SP140: variants seen among roughly 807,000 people sequenced by gnomAD.
SP140 encodes the protein SP140 nuclear body protein, also known as nuclear body protein SP140.
SP140 carries 81 observed loss-of-function variants against 125.0 expected under a neutral mutation model. That is an observed-to-expected ratio of 0.65 (90% CI 0.54 to 0.78). SP140 has a LOEUF of 0.78. SP140 is among the 30% of genes least tolerant of loss of function. The pLI is 0.00. For missense variants in SP140, 858 were observed against 1,037.0 expected (o/e 0.83, Z 2.37); for synonymous variants, 312 against 354.0 (o/e 0.88, Z 1.33).
At chr2:230,238,959 A>G in intron 3 of SP140, 1 of 1,526,380 alleles carries the variant, frequency 6.6e-7, no homozygotes, top group African/African-American at 1.4e-5. Context: ...AGGGTGTGAG[A>G]GCTGACTCTG....
intron 12 of SP140, among the ~76,000 whole-genome samples, chr2:230,260,937 C>T (rs1488537633): frequency 6.6e-6 from 1 of 151,992 alleles, no homozygotes; most frequent in Non-Finnish European, 1.5e-5. Flanking sequence ...CTTTTTGGTT[C>T]CATATGAATT....
intron 12 of SP140, among the ~76,000 whole-genome samples, chr2:230,268,747 T>A (rs2053505267): frequency 6.6e-6 from 1 of 152,152 alleles, no homozygotes; most frequent in Admixed American, 6.5e-5. Flanking sequence ...TGAGAAAGAT[T>A]CACTTGGCAG....
chr2:230,251,204 A>G (rs1006508517), intron 10 of SP140, 143 bp downstream of exon 10: 7 of 687,372 alleles, frequency 1.0e-5, no homozygotes, highest in East Asian at 2.7e-5. Flanking sequence ...CACATTTTCT[A>G]TACATGGATA....
Position 230,255,545 on chromosome 2 carries a change from G to GCA in SP140, c.1240+13_1240+14insCA. On this transcript the variant is annotated intron_variant, in intron 12 of 26. Coordinates refer to ENST00000392045, the MANE Select transcript of SP140 (RefSeq NM_007237.5). The stretch of plus-strand genomic sequence containing the variant: ...AGACGTGGGTCAGGTAAGGACGGGG[G>GCA]GGGGGATTTCTGGCCCTGGGCTGCA... The GCA allele has an allele frequency of 6.2e-7, 1 of 1,611,288 alleles. No individual in the cohort carries two copies. Among genetic ancestry groups the GCA allele is most frequent in the East Asian group, 2.2e-5 (1 of 44,876 alleles).
intron 10 of SP140, among the ~76,000 whole-genome samples, chr2:230,251,826 G>A (rs2050410445): frequency 6.6e-6 from 1 of 152,100 alleles, no homozygotes; most frequent in African/African-American, 2.4e-5. Context: ...TCAAGATTTA[G>A]GCAGGGAAAG....
At chr2:230,268,840 A>G (rs2053519249) in intron 12 of SP140, among the ~76,000 whole-genome samples, 1 of 152,194 alleles carries the variant, frequency 6.6e-6, no homozygotes, top group African/African-American at 2.4e-5. Context: ...GACACTCCCC[A>G]GCAAGAATCT....
upstream of SP140, chr2:230,202,708 C>T (rs770221511): frequency 8.7e-6 from 14 of 1,614,024 alleles, no homozygotes; most frequent in Non-Finnish European, 1.2e-5. Context: ...TTTTGGATTC[C>T]GTGTCTAGAT....
chr2:230,297,378 A>G (rs760324576), intron 21 of SP140, 43 bp from the exon 22 acceptor site: 3 of 1,587,594 alleles, frequency 1.9e-6, no homozygotes, highest in South Asian at 1.1e-5. Context: ...GATGGAAACA[A>G]TGCATTCAAT....
At chr2:230,256,883 A>G (rs1327673533) in intron 12 of SP140, among the ~76,000 whole-genome samples, 2 of 152,220 alleles carry the variant, frequency 1.3e-5, no homozygotes, top group African/African-American at 2.4e-5. Context: ...TGGATCATGC[A>G]GTGGTTTTTC....
At chr2:230,231,706 C>T (rs1048717406) in intron 1 of SP140, among the ~76,000 whole-genome samples, 7 of 151,728 alleles carry the variant, frequency 4.6e-5, no homozygotes, top group Non-Finnish European at 8.8e-5. Flanking sequence ...TCCCTCCACC[C>T]TTTTTTTTCA....
intron 23 of SP140, 115 bp downstream of exon 23, chr2:230,310,154 G>A (rs963883047): frequency 5.2e-5 from 50 of 968,742 alleles, no homozygotes; most frequent in Middle Eastern, 2.3e-4. Context: ...CAGGTTCATC[G>A]GGTACTGGGA....
chr2:230,217,789 G>A (rs999605873), intron 3 of SP140, among the ~76,000 whole-genome samples: 9 of 152,180 alleles, frequency 5.9e-5, no homozygotes, highest in Non-Finnish European at 7.4e-5. Context: ...CCTGGGCTAC[G>A]GCTGAAGCCA....
At chr2:230,281,668 T>G (rs1243209808) in intron 15 of SP140, among the ~76,000 whole-genome samples, 1 of 152,230 alleles carries the variant, frequency 6.6e-6, no homozygotes, top group East Asian at 1.9e-4. Context: ...TAGCATATTC[T>G]CTTTAGAGTG....
chr2:230,247,808 G>A, intron 7 of SP140, 108 bp from the exon 8 acceptor site: 3 of 1,108,568 alleles, frequency 2.7e-6, no homozygotes, highest in Non-Finnish European at 3.9e-6. Flanking sequence ...TTAGCCCTGT[G>A]CTTGAAAAAG....
Position 230,241,473 on chromosome 2 carries a change from C to T in SP140, c.476C>T (p.Pro159Leu), listed in dbSNP as rs543618865. 8 of 1,570,928 alleles carry T rather than the reference C, an allele frequency of 5.1e-6. No individual in the cohort carries two copies. The South Asian group carries it at 8.9e-5, about 17-fold the overall frequency. Residue 159 changes from proline (P) to leucine (L), a missense_variant, in exon 4 of 27, where the codon CCA becomes CTA. Physicochemically the swap from Pro to Leu is moderately conservative, Grantham distance 98. Around this residue, in one of 4 missense-constraint regions of SP140, gnomAD observed 791 missense variants for 869.5 expected, o/e 0.91. Coordinates refer to ENST00000392045, the MANE Select transcript of SP140 (RefSeq NM_007237.5). Reference sequence around the variant, plus strand: ...TTAGAAGATAGACCCAGATTACTACCATATGGTAAACAAGGTAACTATCAT... The same window carrying T: ...TTAGAAGATAGACCCAGATTACTACTATATGGTAAACAAGGTAACTATCAT... ...NDLEDRPRLL[P>L]YGKQENSNAC...
At chr2:230,222,937 CTGT>C (rs2045942521), upstream of SP140, among the ~76,000 whole-genome samples, 1 of 147,222 alleles carries the variant, frequency 6.8e-6, no homozygotes. Flanking sequence ...AGATTCATCT[CTGT>C]TGTTGTGGGT....
At chr2:230,314,878 C>T (rs1199293614), downstream of SP140, among the ~76,000 whole-genome samples, 12 of 152,360 alleles carry the variant, frequency 7.9e-5, no homozygotes, top group East Asian at 2.3e-3. Context: ...TTTTATAGAA[C>T]TGGATCCCCC....
At chr2:230,210,398 G>A (rs1041161713) in intron 1 of SP140, among the ~76,000 whole-genome samples, 1 of 152,248 alleles carries the variant, frequency 6.6e-6, no homozygotes, top group Non-Finnish European at 1.5e-5. Context: ...GAAGCTGAGA[G>A]CGGAAAGTGG....
At chr2:230,259,420 G>A (rs1181326687) in intron 12 of SP140, among the ~76,000 whole-genome samples, 1 of 151,938 alleles carries the variant, frequency 6.6e-6, no homozygotes, top group African/African-American at 2.4e-5. Flanking sequence ...GCTCACGCCT[G>A]TAGTCCCAGC....
Sources: gnomAD v4.1 joint callset for allele counts (sites outside exome capture counted in the v4.1 genomes callset) on GRCh38, gnomAD v4.1.1 for gene constraint, gnomAD v4.1.1 regional missense constraint, MANE v1.5 for transcripts, NCBI Gene and HGNC (gene_info 2026-07-23, HGNC 2026-07-21) for gene names.